The following NECAB3 variants were observed in gnomAD, a reference collection of about 807,000 sequenced individuals.
The protein encoded by NECAB3 is N-terminal EF-hand calcium binding protein 3, also known as N-terminal EF-hand calcium-binding protein 3.
A neutral mutation model predicts 57.2 loss-of-function variants in NECAB3; 38 were observed. The observed-to-expected ratio is 0.66, with a 90% CI of 0.51 to 0.87. The LOEUF (loss-of-function observed/expected upper bound fraction) is 0.87, where lower values mean the gene tolerates loss of function less well. Among genes scored for constraint, NECAB3 ranks in the 40% least tolerant of loss-of-function variants. The probability of loss-of-function intolerance (pLI) is 0.00; values close to 1 mark genes in which losing one functional copy is unlikely to be tolerated. For synonymous variants in NECAB3, 223 were observed against 222.6 expected, an observed-to-expected ratio of 1.00 and a Z score of -0.02; for missense variants, 474 against 527.5, an observed-to-expected ratio of 0.90 and a Z score of 0.99.
intron 5 of NECAB3, chr20:33,666,669 C>G (rs1238005048): frequency 2.0e-5 from 3 of 152,308 alleles, no homozygotes; most frequent in African/African-American, 7.2e-5. Context: ...CGTCAGCCAT[C>G]TCAGCAAGGG....
rs2017398578 is a variant in NECAB3, at chr20:33,659,681, T to C, written c.695A>G (p.Gln232Arg). 2 of 1,609,164 alleles carry C rather than the reference T, an allele frequency of 1.2e-6. No individual in the cohort carries two copies. Among genetic ancestry groups the C allele is most frequent in the Non-Finnish European group, 1.7e-6 (2 of 1,179,150 alleles). The change falls in exon 8 of 12, where the codon CAG becomes CGG. Residue 232 changes from glutamine to arginine, a missense_variant. Coordinates refer to ENST00000246190, the MANE Select transcript of NECAB3 (RefSeq NM_031232.4). ...GCACTCGAGCTGGTCGATGAGCTCC[T>C]GGAGGCGGTTCACCTGGAGCCGCCA... The part of the protein sequence containing the change: ...MQWRLQVNRL[Q>R]ELIDQLECKV...
intron 1 of NECAB3, 136 bp downstream of exon 1, chr20:33,674,088 G>C: frequency 5.2e-6 from 5 of 952,544 alleles, no homozygotes; most frequent in Non-Finnish European, 5.4e-6. Flanking sequence ...AGGGCAGAAA[G>C]GTCAAGAGAA....
In NECAB3 at chr20:33,674,382, G is replaced by A. The variant is rs971067890; in HGVS notation, c.-30C>T. The A allele has an allele frequency of 4.0e-4, 465 of 1,155,564 alleles. No homozygotes were observed. Among genetic ancestry groups the A allele is most frequent in the Non-Finnish European group, 4.7e-4 (438 of 939,252 alleles). The allele number at this position is 1,155,564 out of a possible 1,614,324, so 71.6% of individuals were successfully genotyped here. A position where few individuals can be genotyped will look rare whatever the true frequency, so the allele number is the denominator to read the frequency against. On this transcript the variant is annotated 5_prime_UTR_variant, in exon 1 of 12. Transcript: ENST00000246190. ...CCGCCACCCGCTCGGGCTCGGCTGCGGTTGCTGCCGACCCTGGACGCCGCG... is the reference window on the plus strand; with the variant it reads ...CCGCCACCCGCTCGGGCTCGGCTGCAGTTGCTGCCGACCCTGGACGCCGCG...
At chr20:33,667,025 G>T (rs7263119) in intron 5 of NECAB3, 89,041 of 158,008 alleles carry the variant, frequency 0.56, 26,164 homozygotes, top group East Asian at 0.8. Context: ...TCGGGCCGAC[G>T]AAGCCGAGTG....
At chr20:33,664,870 C>CA (rs1429034589) in intron 5 of NECAB3, 1 of 152,306 alleles carries the variant, frequency 6.6e-6, no homozygotes, top group Non-Finnish European at 1.5e-5. Context: ...GCCATCAGCC[C>CA]AGCTTCTGCT....
Position 33,669,697 on chromosome 20 carries a change from TTC to T in NECAB3, c.277_278del (p.Glu93LysfsTer4). The T allele has an allele frequency of 6.3e-7, 1 of 1,596,688 alleles. No homozygotes were observed. ...DGHLTDNLET[E>X]KLCDYFSEHL... ...CATGGGCCTACTCACCACACAGTTT[TTC>T]TGTTTCTAAATTGCTGCAGGGAAAA... On this transcript the variant is annotated frameshift_variant, in exon 4 of 12. Transcript: ENST00000246190. LOFTEE classifies it high-confidence loss of function.
chr20:33,661,182 A>C (rs934938064), intron 5 of NECAB3, among the ~76,000 whole-genome samples: 3 of 152,212 alleles, frequency 2.0e-5, no homozygotes, highest in Non-Finnish European at 1.5e-5. Flanking sequence ...TCTGGCACGT[A>C]AGCTCTCGAT....
intron 5 of NECAB3, chr20:33,667,485 GC>G (rs2122504275): frequency 1.4e-6 from 2 of 1,472,618 alleles, no homozygotes; most frequent in East Asian, 4.9e-5. Flanking sequence ...CCCTGGCAGT[GC>G]CCGCGTGCCA....
intron 5 of NECAB3, chr20:33,667,421 C>T (rs2017691834): frequency 7.1e-7 from 1 of 1,410,306 alleles, no homozygotes; most frequent in Non-Finnish European, 9.2e-7. Context: ...GTGAGCGACT[C>T]GCCGTTGGCG....
At position 33,663,640 on chromosome 20, in the gene NECAB3, A is replaced by C. The variant is rs777476928; in HGVS notation, c.388-3245T>G. On this transcript the variant is annotated intron_variant, in intron 5 of 11. Transcript: ENST00000246190. Reference sequence around the variant, plus strand: ...TGGGCTGGGCTCCCCGGCGGCACCCAGATTGCGCGGAGCGGGCGAAGGTAG... The same window carrying C: ...TGGGCTGGGCTCCCCGGCGGCACCCCGATTGCGCGGAGCGGGCGAAGGTAG... 1.9e-6 allele frequency: 3 copies of C among 1,606,332 alleles called. No homozygotes were observed. In the South Asian group the frequency reaches 3.3e-5, roughly 18 times the overall value.
At chr20:33,672,092 G>C (rs761346542) in intron 2 of NECAB3, 1 of 462,316 alleles carries the variant, frequency 2.2e-6, no homozygotes, top group Non-Finnish European at 3.9e-6. Context: ...TTCCAATCTA[G>C]CTGGTGGTTG....
In NECAB3 at chr20:33,672,415, C is replaced by G; in HGVS notation, c.137G>C (p.Arg46Pro). The part of the protein sequence containing the change: ...AGHTLFQDVF[R>P]RADKNDDGKL... ...ACACTCACCATTCTTGTCTGCTCTG[C>G]GGAAAACCTAGAGGACAAAGGGACA... The change falls in exon 2 of 12, where the codon CGC (arginine) becomes CCC (proline). Residue 46 changes from arginine to proline, a missense_variant. Coordinates refer to ENST00000246190, the MANE Select transcript of NECAB3 (RefSeq NM_031232.4). The G allele has an allele frequency of 6.2e-7, 1 of 1,614,154 alleles. No individual in the cohort carries two copies. The highest frequency in any genetic ancestry group is 8.5e-7 in the Non-Finnish European group (1 of 1,180,012).
In NECAB3 at chr20:33,660,216, C is replaced by G. The variant is rs750314931; in HGVS notation, c.524+43G>C. 4 of 1,595,952 alleles carry G rather than the reference C, an allele frequency of 2.5e-6. No individual in the cohort carries two copies. The highest frequency in any genetic ancestry group is 3.4e-6 in the Non-Finnish European group (4 of 1,168,298). On this transcript the variant is annotated intron_variant, in intron 6 of 11. Transcript: ENST00000246190. The surrounding 1 kb of genome is among the most constrained non-coding windows in gnomAD (Gnocchi z 4.1). ...GGATTTGGAATGGGGGTACAATGGG[C>G]GCTTGTGCACTAGCCCCACAGGTTG...
intron 5 of NECAB3, chr20:33,667,432 C>A: frequency 7.1e-7 from 1 of 1,411,856 alleles, no homozygotes. Context: ...GCCGTTGGCG[C>A]CGCCCGCGGG....
At position 33,657,821 on chromosome 20, in the gene NECAB3, G is replaced by C. The variant is rs945963142; in HGVS notation, c.*8C>G. 5.2e-6 allele frequency: 8 copies of C among 1,535,170 alleles called. No individual in the cohort carries two copies. The African/African-American group carries it at 1.1e-4, about 21-fold the overall frequency. ...GGTCCCGGGGCCCTCGGCGTGTGCA[G>C]GTCTGGCTCAGTTGTTATTCATTAT... is the stretch of plus-strand genomic sequence containing the variant. On this transcript the variant is annotated 3_prime_UTR_variant, in exon 12 of 12. Transcript: ENST00000246190.
intron 1 of NECAB3, 145 bp from the exon 2 acceptor site, chr20:33,672,567 C>CA (rs1347352931): frequency 1.1e-6 from 1 of 885,978 alleles, no homozygotes; most frequent in African/African-American, 1.7e-5. Context: ...ACCACCTGCC[C>CA]AGCTCAGCCC....
chr20:33,663,695 T>G (rs893833767), intron 5 of NECAB3: 2 of 1,574,056 alleles, frequency 1.3e-6, no homozygotes, highest in Non-Finnish European at 8.6e-7. Flanking sequence ...CCGGTACTGC[T>G]GCTGCTGCGG....
At chr20:33,659,090 C>T (rs1259536678) in intron 8 of NECAB3, among the ~76,000 whole-genome samples, 1 of 152,126 alleles carries the variant, frequency 6.6e-6, no homozygotes, top group African/African-American at 2.4e-5. Flanking sequence ...ACACCTGGCC[C>T]CTAGCCTTCT....
intron 5 of NECAB3, among the ~76,000 whole-genome samples, chr20:33,666,247 C>T (rs1467416434): frequency 6.6e-6 from 1 of 152,098 alleles, no homozygotes; most frequent in Non-Finnish European, 1.5e-5. Context: ...GGTAGGGGGC[C>T]ACACATCTGG....
Sources: allele counts gnomAD v4.1 joint callset (sites outside exome capture counted in the v4.1 genomes callset), GRCh38; gene constraint gnomAD v4.1.1; non-coding constraint Gnocchi (gnomAD v3.1); transcripts MANE v1.5; gene names NCBI Gene and HGNC (gene_info 2026-07-23, HGNC 2026-07-21).